The following HACE1 variants were observed in gnomAD, a reference collection of about 807,000 sequenced individuals.
HACE1 encodes the protein HECT domain and ankyrin repeat containing E3 ubiquitin protein ligase 1.
HACE1 carries 73 observed loss-of-function variants against 118.4 expected under a neutral mutation model. That is an observed-to-expected ratio of 0.62 (90% CI 0.51 to 0.75). The LOEUF (loss-of-function observed/expected upper bound fraction) is 0.75. HACE1 is among the 30% of genes least tolerant of loss of function. HACE1 has a pLI of 0.00. For missense variants in HACE1, 749 were observed against 1,102.2 expected, an observed-to-expected ratio of 0.68 and a Z score of 4.54; for synonymous variants, 368 against 374.8, an observed-to-expected ratio of 0.98 and a Z score of 0.21.
chr6:104,831,980 GAGGAAGGAAGGAAGGA>G (rs71276551), intron 6 of HACE1, among the ~76,000 whole-genome samples: 88 of 62,910 alleles, frequency 1.4e-3, no homozygotes, highest in African/African-American at 4.0e-3. Context: ...GAAGAGAAGA[GAGGAAGGAAGGAAGGA>G]AGGAAGGAAG....
At chr6:104,739,480 A>G (rs1167573209) in intron 22 of HACE1, among the ~76,000 whole-genome samples, 1 of 152,076 alleles carries the variant, frequency 6.6e-6, no homozygotes, top group Non-Finnish European at 1.5e-5. Flanking sequence ...TGATCTACCA[A>G]GCAAATGGAA....
chr6:104,806,652 A>T (rs1311657526), intron 7 of HACE1, among the ~76,000 whole-genome samples: 1 of 152,178 alleles, frequency 6.6e-6, no homozygotes, highest in Non-Finnish European at 1.5e-5. Flanking sequence ...ATAACTAAAA[A>T]AAATTACTCA....
At chr6:104,834,784 A>G (rs1245215129) in intron 5 of HACE1, among the ~76,000 whole-genome samples, 6 of 152,166 alleles carry the variant, frequency 3.9e-5, no homozygotes, top group Admixed American at 2.6e-4. Context: ...GGACTCCCAA[A>G]AGGCTCAAGA....
rs762943720 is a variant in HACE1, at chr6:104,730,275, A to G, written c.2627+28T>C. On this transcript the variant is annotated intron_variant, in intron 23 of 23. Coordinates refer to ENST00000262903, the MANE Select transcript of HACE1 (RefSeq NM_020771.4). ...CAAAATTAATCAAAACAATTTGTAA[A>G]GCATTTAAATAAACCAAGTCAACAT... 4.9e-6 allele frequency: 5 copies of G among 1,011,932 alleles called. No individual in the cohort carries two copies. The South Asian group carries it at 6.3e-5, about 13-fold the overall frequency. The allele number at this position is 1,011,932 out of a possible 1,614,324, so 62.7% of individuals were successfully genotyped here.
intron 7 of HACE1, among the ~76,000 whole-genome samples, chr6:104,805,397 A>T (rs1770877721): frequency 6.6e-6 from 1 of 152,234 alleles, no homozygotes; most frequent in Non-Finnish European, 1.5e-5. Context: ...ATAAAGACAC[A>T]TGGATACATA....
intron 1 of HACE1, among the ~76,000 whole-genome samples, chr6:104,857,097 C>T (rs1212071114): frequency 6.6e-6 from 1 of 150,784 alleles, no homozygotes; most frequent in African/African-American, 2.4e-5. Flanking sequence ...AGTTTCCATT[C>T]AGCTCTTAAA....
chr6:104,790,786 C>G (rs1000810918), intron 11 of HACE1, among the ~76,000 whole-genome samples: 3 of 152,054 alleles, frequency 2.0e-5, no homozygotes, highest in Non-Finnish European at 4.4e-5. Flanking sequence ...ATAAAAAACA[C>G]AAAGTTATTA....
chr6:104,740,872 G>C (rs1403499668), intron 22 of HACE1, among the ~76,000 whole-genome samples: 1 of 122,412 alleles, frequency 8.2e-6, no homozygotes, highest in Non-Finnish European at 1.7e-5. Context: ...GAGAATTTTA[G>C]ACCAATATCC....
chr6:104,799,909 G>GTAGGGCGGGGCAT (rs1770118443), intron 7 of HACE1, among the ~76,000 whole-genome samples: 8 of 151,822 alleles, frequency 5.3e-5, no homozygotes, highest in African/African-American at 1.9e-4. Context: ...CGGAGGGTGA[G>GTAGGGCGGGGCAT]CACCTCACTT....
Position 104,785,186 on chromosome 6 carries a change from G to A in HACE1, c.1208C>T (p.Ala403Val), listed in dbSNP as rs760591663. 3 of 1,613,850 alleles carry A rather than the reference G, an allele frequency of 1.9e-6. No individual in the cohort carries two copies. The East Asian group carries it at 6.7e-5, about 36-fold the overall frequency. Residue 403 changes from alanine to valine, a missense_variant, in exon 12 of 24, where the codon GCT becomes GTT. By Grantham distance (64) the Ala-to-Val change is moderately conservative. Coordinates refer to ENST00000262903, the MANE Select transcript of HACE1 (RefSeq NM_020771.4). ...LKQKGQDQDAASIPPFEPPGP... is the reference protein window; with the variant it reads ...LKQKGQDQDAVSIPPFEPPGP... Reference sequence around the variant, plus strand: ...TGGAGGTTCAAATGGAGGAATGGAAGCAGCATCTTGATCTTGGCCTTTTTG... The same window carrying A: ...TGGAGGTTCAAATGGAGGAATGGAAACAGCATCTTGATCTTGGCCTTTTTG...
intron 19 of HACE1, among the ~76,000 whole-genome samples, chr6:104,763,574 C>T (rs147503941): frequency 5.3e-5 from 8 of 151,656 alleles, no homozygotes; most frequent in South Asian, 2.1e-4. Flanking sequence ...CTTACACTTA[C>T]ACCTAACTAC....
At chr6:104,765,408 T>A (rs186758994) in intron 19 of HACE1, among the ~76,000 whole-genome samples, 10 of 152,358 alleles carry the variant, frequency 6.6e-5, no homozygotes, top group African/African-American at 2.4e-4. Context: ...TATTCTGTCC[T>A]TGGTAGCCTA....
chr6:104,851,878 T>G (rs976527909), intron 2 of HACE1, among the ~76,000 whole-genome samples: 5 of 152,128 alleles, frequency 3.3e-5, no homozygotes, highest in African/African-American at 1.2e-4. Context: ...GTATTTCATA[T>G]ATGGCCCTGT....
intron 19 of HACE1, among the ~76,000 whole-genome samples, chr6:104,769,323 TCTTTCC>T (rs1780369549): frequency 6.6e-6 from 1 of 152,148 alleles, no homozygotes; most frequent in South Asian, 2.1e-4. Flanking sequence ...TGTTACTAGA[TCTTTCC>T]ACTTTGTCAT....
chr6:104,735,025 C>T (rs1320244078), intron 22 of HACE1, among the ~76,000 whole-genome samples: 1 of 151,818 alleles, frequency 6.6e-6, no homozygotes, highest in African/African-American at 2.4e-5. Context: ...TAAAAACTTA[C>T]ATTAAAAAAT....
At chr6:104,856,352 TTTA>T (rs1357125747) in intron 1 of HACE1, among the ~76,000 whole-genome samples, 1 of 152,158 alleles carries the variant, frequency 6.6e-6, no homozygotes, top group African/African-American at 2.4e-5. Flanking sequence ...GGGCTCAAAT[TTTA>T]TTATTTTATT....
intron 19 of HACE1, among the ~76,000 whole-genome samples, chr6:104,752,127 G>A (rs1422403322): frequency 6.6e-6 from 1 of 152,006 alleles, no homozygotes; most frequent in Non-Finnish European, 1.5e-5. Flanking sequence ...TTAACACAAG[G>A]AAAGCTACCA....
intron 11 of HACE1, among the ~76,000 whole-genome samples, chr6:104,789,333 T>A (rs1782756985): frequency 6.6e-6 from 1 of 152,076 alleles, no homozygotes; most frequent in African/African-American, 2.4e-5. Context: ...AAATGGAAGT[T>A]CAAAATTTAA....
intron 19 of HACE1, chr6:104,767,004 A>C (rs1394430707): frequency 1.3e-5 from 2 of 152,224 alleles, no homozygotes; most frequent in Admixed American, 6.5e-5. Context: ...TATAATACCC[A>C]TAAGGCACAT....
Sources: gnomAD v4.1 joint callset for allele counts (sites outside exome capture counted in the v4.1 genomes callset) on GRCh38, gnomAD v4.1.1 for gene constraint, MANE v1.5 for transcripts, NCBI Gene and HGNC (gene_info 2026-07-23, HGNC 2026-07-21) for gene names.